HMG20B: variants seen among roughly 807,000 people sequenced by gnomAD.
The protein encoded by HMG20B is high mobility group 20B, also known as SWI/SNF-related matrix-associated actin-dependent regulator of chromatin subfamily E member 1-related.
Under a neutral mutation model 41.6 loss-of-function variants are expected in HMG20B, and 24 were observed. The ratio of observed to expected loss-of-function variants is 0.58; its 90% CI spans 0.42 to 0.81. The LOEUF (loss-of-function observed/expected upper bound fraction) is 0.81, where lower values mean the gene tolerates loss of function less well. Among genes scored for constraint, HMG20B ranks in the 30% least tolerant of loss-of-function variants. The pLI, the probability that HMG20B is intolerant of heterozygous loss-of-function variation, is 0.00. For synonymous variants in HMG20B, 251 were observed against 186.6 expected, an observed-to-expected ratio of 1.34 and a Z score of -2.81; for missense variants, 461 against 444.0, an observed-to-expected ratio of 1.04 and a Z score of -0.34.
At position 3,576,910 on chromosome 19, in the gene HMG20B, G is replaced by C. The variant is rs866631307; in HGVS notation, c.611G>C (p.Arg204Pro). The part of the protein sequence containing the change: ...DQNKAREAEL[R>P]RLRKMNVAFE... ...GGCGCAGCGCGTGAGGCGGAGCTTC[G>C]GCGCTTGCGGAAGATGAATGTGGCC... The change falls in exon 8 of 10, where the codon CGG becomes CCG. Residue 204 changes from arginine (R) to proline (P), a missense_variant. By Grantham distance (103) the Arg-to-Pro change is moderately radical. Around this residue, in one of 3 missense-constraint regions of HMG20B, gnomAD observed 308 missense variants for 283.4 expected, o/e 1.09. Coordinates refer to ENST00000333651, the MANE Select transcript of HMG20B (RefSeq NM_006339.3). 1 of 1,575,056 alleles carries C rather than the reference G, an allele frequency of 6.3e-7. No homozygotes were observed. The highest frequency in any genetic ancestry group is 1.4e-5 in the African/African-American group (1 of 74,022).
At position 3,574,424 on chromosome 19, in the gene HMG20B, G is replaced by T; in HGVS notation, c.189G>T (p.Lys63Asn). 6.2e-7 allele frequency: 1 copy of T among 1,607,330 alleles called. No individual in the cohort carries two copies. The highest frequency in any genetic ancestry group is 8.5e-7 in the Non-Finnish European group (1 of 1,177,590). ...KRGWPKGKKRKKILPNGPKAP... is the reference protein window; with the variant it reads ...KRGWPKGKKRNKILPNGPKAP... ...GCTGGCCCAAGGGCAAGAAGCGGAA[G>T]AAGATTCTGCCGAATGGGCCCAAGG... The change falls in exon 4 of 10, where the codon AAG becomes AAT. Residue 63 changes from lysine (K) to asparagine (N), a missense_variant. Lys to Asn is a moderately conservative substitution (Grantham distance 94). Coordinates refer to ENST00000333651, the MANE Select transcript of HMG20B (RefSeq NM_006339.3).
intron 8 of HMG20B, among the ~76,000 whole-genome samples, chr19:3,577,550 G>C (rs1395849410): frequency 1.6e-5 from 2 of 126,032 alleles, no homozygotes; most frequent in African/African-American, 6.3e-5. Flanking sequence ...CGACCAGCCT[G>C]AGCACTGACC....
rs770732519 is a variant in HMG20B, at chr19:3,578,886, G to C, written c.*365G>C. On this transcript the variant is annotated 3_prime_UTR_variant, in exon 10 of 10. Transcript: ENST00000333651. The stretch of plus-strand genomic sequence containing the variant: ...CCCCCCAAATTACTCACTACGGGGG[G>C]CTGTGCCATAGGCCACACAGGAAGC... 4.0e-5 allele frequency: 21 copies of C among 529,396 alleles called. No individual in the cohort carries two copies. In the African/African-American group the frequency reaches 4.0e-4, roughly 10 times the overall value. 32.8% of individuals were successfully genotyped at this position (529,396 alleles called of 1,614,324 possible). A position where few individuals can be genotyped will look rare whatever the true frequency, so the allele number is the denominator to read the frequency against.
At chr19:3,575,929 G>C (rs1261673835) in intron 5 of HMG20B, 1 of 475,874 alleles carries the variant, frequency 2.1e-6, no homozygotes. Flanking sequence ...GGGCGACAGG[G>C]CGAGACTCCG....
intron 9 of HMG20B, 165 bp from the exon 10 acceptor site, chr19:3,578,344 T>G: frequency 8.4e-7 from 1 of 1,194,460 alleles, no homozygotes; most frequent in Non-Finnish European, 1.2e-6. Context: ...CTAAAGCTTC[T>G]CAGGGTGGAT....
intron 9 of HMG20B, 155 bp downstream of exon 9, chr19:3,578,268 C>A (rs1356954078): frequency 6.6e-6 from 8 of 1,204,896 alleles, no homozygotes; most frequent in Non-Finnish European, 9.2e-6. Context: ...CCCTGATGCA[C>A]CAGTGCTAGG....
At chr19:3,575,778 T>C (rs1262048726) in intron 5 of HMG20B, 118 bp downstream of exon 5, 1 of 811,180 alleles carries the variant, frequency 1.2e-6, no homozygotes, top group Non-Finnish European at 1.9e-6. Context: ...CCTCCCCCTC[T>C]ACTAAAAATA....
At chr19:3,576,417 C>G in intron 6 of HMG20B, 110 bp downstream of exon 6, 1 of 1,358,972 alleles carries the variant, frequency 7.4e-7, no homozygotes, top group East Asian at 2.3e-5. Flanking sequence ...AGGGGCGGTG[C>G]CACTGCACCG....
chr19:3,576,977 C>G lies in HMG20B; in HGVS notation c.678C>G (p.Ser226Arg), dbSNP rs773326341. The change falls in exon 8 of 10, where the codon AGC becomes AGG. Residue 226 changes from serine (S) to arginine (R), a missense_variant. This residue lies in a region of HMG20B where 308 missense variants were observed against 283.4 expected (regional missense o/e 1.09). Coordinates refer to ENST00000333651, the MANE Select transcript of HMG20B (RefSeq NM_006339.3). ...CGGTACTGCAGAGGCACACGCAGAG[C>G]ATGAGCAGCGCGCGCGAGCGTCTGG... is the stretch of plus-strand genomic sequence containing the variant. ...QNAVLQRHTQ[S>R]MSSARERLEQ... 2 of 1,575,478 alleles carry G rather than the reference C, an allele frequency of 1.3e-6. No individual in the cohort carries two copies. The highest frequency in any genetic ancestry group is 1.9e-5 in the Admixed American group (1 of 54,026).
chr19:3,578,258 C>T (rs1378721483), intron 9 of HMG20B, 145 bp downstream of exon 9: 4 of 1,240,662 alleles, frequency 3.2e-6, no homozygotes, highest in East Asian at 2.5e-5. Context: ...CTGCGGTCGC[C>T]CCTGATGCAC....
At chr19:3,574,272 C>A (rs1241140925) in intron 3 of HMG20B, 111 bp from the exon 4 acceptor site, 6 of 955,334 alleles carry the variant, frequency 6.3e-6, no homozygotes, top group Admixed American at 2.3e-5. Flanking sequence ...TTCCTCCCAG[C>A]TAGGCCCCGC....
rs2032092504 is a variant in HMG20B, at chr19:3,573,729, T to C, written c.76T>C (p.Phe26Leu). The stretch of plus-strand genomic sequence containing the variant: ...CAAGGCTCCGGGCCAGCATGGGGGC[T>C]TCGTGGTGACTGTCAAGCAAGAGCG... ...GGKAPGQHGGFVVTVKQERGE... is the reference protein window; with the variant it reads ...GGKAPGQHGGLVVTVKQERGE... Residue 26 changes from phenylalanine (F) to leucine (L), a missense_variant, in exon 3 of 10, where the codon TTC becomes CTC. Transcript: ENST00000333651. 1.3e-6 allele frequency: 2 copies of C among 1,533,498 alleles called. No individual in the cohort carries two copies. The highest frequency in any genetic ancestry group is 1.4e-5 in the African/African-American group (1 of 71,166). 95.0% of individuals were successfully genotyped at this position (1,533,498 alleles called of 1,614,324 possible). A position where few individuals can be genotyped will look rare whatever the true frequency, so the allele number is the denominator to read the frequency against.
intron 7 of HMG20B, 64 bp from the exon 8 acceptor site, chr19:3,576,828 G>C (rs1762918516): frequency 1.1e-5 from 17 of 1,524,954 alleles, no homozygotes; most frequent in Non-Finnish European, 1.5e-5. Context: ...GCACGTCCCG[G>C]GCAAAAGCCC....
In HMG20B at chr19:3,578,078, C is replaced by T; in HGVS notation, c.906C>T (p.Ile302=). The T allele has an allele frequency of 8.1e-6, 13 of 1,611,510 alleles. No homozygotes were observed. Among genetic ancestry groups the T allele is most frequent in the Non-Finnish European group, 8.5e-6 (10 of 1,179,454 alleles). ...ERDPAQHEKL[I]VRIKEILAQV... is the part of the protein sequence containing the mutation. ...ACCCCGCCCAGCACGAGAAGCTCAT[C>T]GTCCGCATCAAGGAAATCCTGGCCC... The change falls in exon 9 of 10, where the codon ATC becomes ATT. Residue 302 remains isoleucine, a synonymous_variant. Transcript: ENST00000333651.
rs370587589 is a variant in HMG20B, at chr19:3,576,600, T to C, written c.567T>C (p.Thr189=). ...GFSTFDVPIF[T]EEFLDQNKAR... ...CCACCTTCGATGTTCCCATCTTCAC[T>C]GAAGAGTTCTTGGACCAAAACAAAG... The change falls in exon 7 of 10, where the codon ACT becomes ACC. Residue 189 remains threonine (T), a synonymous_variant. Coordinates refer to ENST00000333651, the MANE Select transcript of HMG20B (RefSeq NM_006339.3). 1 of 1,613,446 alleles carries C rather than the reference T, an allele frequency of 6.2e-7. No individual in the cohort carries two copies. The highest frequency in any genetic ancestry group is 1.7e-5 in the Admixed American group (1 of 59,928).
intron 4 of HMG20B, among the ~76,000 whole-genome samples, chr19:3,575,180 T>C (rs572991916): frequency 6.6e-6 from 1 of 152,136 alleles, no homozygotes; most frequent in African/African-American, 2.4e-5. Flanking sequence ...ATCACGGAAA[T>C]GTAACAAAAG....
At chr19:3,578,184 G>T (rs748387807) in intron 9 of HMG20B, 71 bp downstream of exon 9, 3 of 1,566,112 alleles carry the variant, frequency 1.9e-6, no homozygotes, top group Non-Finnish European at 2.6e-6. Context: ...GGTTCCCCAG[G>T]TCCGCGAGGG....
chr19:3,579,083 A>G lies in HMG20B; in HGVS notation c.*562A>G. 1 of 334,766 alleles carries G rather than the reference A, an allele frequency of 3.0e-6. No homozygotes were observed. Among genetic ancestry groups the G allele is most frequent in the Non-Finnish European group, 5.9e-6 (1 of 168,836 alleles). 20.7% of individuals were successfully genotyped at this position (334,766 alleles called of 1,614,324 possible). A position where few individuals can be genotyped will look rare whatever the true frequency, so the allele number is the denominator to read the frequency against. On this transcript the variant is annotated 3_prime_UTR_variant, in exon 10 of 10. Transcript: ENST00000333651. This position sits in a 1 kb window ranked among gnomAD's most constrained non-coding sequence, Gnocchi z 7.4. ...AAAAACAAGTAAAATTTGTGTTTTA[A>G]GCTTGTGAGTGTGTAAGCTTGTTTG...
At chr19:3,576,703 A>T in intron 7 of HMG20B, 78 bp downstream of exon 7, 2 of 1,377,074 alleles carry the variant, frequency 1.5e-6, no homozygotes, top group Non-Finnish European at 2.0e-6. Context: ...GAGGGCCCCA[A>T]GACTGCAGGA....
Sources: allele counts gnomAD v4.1 joint callset (sites outside exome capture counted in the v4.1 genomes callset), GRCh38; gene constraint gnomAD v4.1.1; regional missense constraint gnomAD v4.1.1; non-coding constraint Gnocchi (gnomAD v3.1); transcripts MANE v1.5; gene names NCBI Gene and HGNC (gene_info 2026-07-23, HGNC 2026-07-21).